MED27: variants seen among roughly 807,000 people sequenced by gnomAD.
The protein encoded by MED27 is mediator of RNA polymerase II transcription subunit 27.
A neutral mutation model predicts 38.2 loss-of-function variants in MED27; 30 were observed. That is an observed-to-expected ratio of 0.79 (90% CI 0.59 to 1.07). The LOEUF is 1.07. Among genes scored for constraint, MED27 ranks in the 50% least tolerant of loss-of-function variants. The probability of loss-of-function intolerance (pLI) is 0.00; values close to 1 mark genes in which losing one functional copy is unlikely to be tolerated. For missense variants in MED27, 289 were observed against 397.5 expected, an observed-to-expected ratio of 0.73 and a Z score of 2.32; for synonymous variants, 122 against 153.5, an observed-to-expected ratio of 0.79 and a Z score of 1.52.
chr9:132,025,428 C>A (rs547311161), intron 2 of MED27, among the ~76,000 whole-genome samples: 1 of 152,190 alleles, frequency 6.6e-6, no homozygotes, highest in Non-Finnish European at 1.5e-5. Context: ...GTGATCTGCC[C>A]GCCTCGACCT....
rs763846801 is a variant in MED27, at chr9:131,982,996, T to C, written c.479+31341A>G. Among the ~76,000 whole-genome samples the C allele has an allele frequency of 6.6e-6, 1 of 152,164 alleles. No individual in the cohort carries two copies. The highest frequency in any genetic ancestry group is 1.5e-5 in the Non-Finnish European group (1 of 68,018). ...AAATGTAGATTCGCATTCAGGAGGATCTGTGACTGAGTTTCAGCAAGTTCC... is the reference window on the plus strand; with the variant it reads ...AAATGTAGATTCGCATTCAGGAGGACCTGTGACTGAGTTTCAGCAAGTTCC... On this transcript the variant is annotated intron_variant, in intron 3 of 7. Coordinates refer to ENST00000292035, the MANE Select transcript of MED27 (RefSeq NM_004269.4). This position sits in a 1 kb window ranked among gnomAD's most constrained non-coding sequence, Gnocchi z 4.3.
intron 5 of MED27, 148 bp from the exon 6 acceptor site, chr9:131,884,247 T>A: frequency 1.8e-6 from 1 of 545,800 alleles, no homozygotes; most frequent in Non-Finnish European, 3.0e-6. Flanking sequence ...AAAAGGATCT[T>A]AAATGTCTGA....
At chr9:131,885,554 G>T (rs1839124988) in intron 5 of MED27, among the ~76,000 whole-genome samples, 1 of 152,148 alleles carries the variant, frequency 6.6e-6, no homozygotes, top group African/African-American at 2.4e-5. Flanking sequence ...GAAGCTGGAG[G>T]AGGTGTGAGT....
At chr9:132,073,388 A>G in intron 2 of MED27, 1 of 1,047,336 alleles carries the variant, frequency 9.5e-7, no homozygotes, top group East Asian at 7.0e-5. Flanking sequence ...TCTCTCAGTG[A>G]ATCTTCACTG....
chr9:131,963,125 C>T lies in MED27; in HGVS notation c.480-23651G>A, dbSNP rs553780520. On this transcript the variant is annotated intron_variant, in intron 3 of 7. Transcript: ENST00000292035. ...AATGTTCAGCTAAACTATTTCCAAG[C>T]CATACATCATTTTCTGTTTGGGTCC... is the stretch of plus-strand genomic sequence containing the variant. Among the ~76,000 whole-genome samples the T allele has an allele frequency of 7.4e-3, 1,127 of 152,216 alleles. 11 individuals carry two copies. The highest frequency in any genetic ancestry group is 0.013 in the Non-Finnish European group (858 of 68,020).
In MED27 at chr9:131,883,654, GT is replaced by G. The variant is rs775017047; in HGVS notation, c.723+403del. Among the ~76,000 whole-genome samples, 6 of 152,172 alleles carry G rather than the reference GT, an allele frequency of 3.9e-5. No homozygotes were observed. Among genetic ancestry groups the G allele is most frequent in the Admixed American group, 1.3e-4 (2 of 15,278 alleles). On this transcript the variant is annotated intron_variant, in intron 6 of 7. Coordinates refer to ENST00000292035, the MANE Select transcript of MED27 (RefSeq NM_004269.4). The surrounding 1 kb of genome is among the most constrained non-coding windows in gnomAD (Gnocchi z 4.2). Reference sequence around the variant, plus strand: ...TTTAAAACTAGGTTTTCAGAATACAGTTTTTGGAACATCTCAAAAACCTATG... The same window carrying G: ...TTTAAAACTAGGTTTTCAGAATACAGTTTTGGAACATCTCAAAAACCTATG...
chr9:131,958,415 T>G (rs1831149210), intron 3 of MED27, among the ~76,000 whole-genome samples: 1 of 152,090 alleles, frequency 6.6e-6, no homozygotes, highest in African/African-American at 2.4e-5. Context: ...CTGGCTAATT[T>G]TTTTGTATTT....
intron 3 of MED27, among the ~76,000 whole-genome samples, chr9:131,994,623 A>G (rs921389228): frequency 6.6e-6 from 1 of 152,250 alleles, no homozygotes; most frequent in African/African-American, 2.4e-5. Context: ...CTAGAGCAGA[A>G]CAATATGGCC....
chr9:131,933,909 T>C (rs749762877), intron 4 of MED27, among the ~76,000 whole-genome samples: 13 of 152,126 alleles, frequency 8.5e-5, no homozygotes, highest in Non-Finnish European at 1.5e-4. Context: ...CAAAATAGCG[T>C]GGTACTGGCA....
intron 4 of MED27, among the ~76,000 whole-genome samples, chr9:131,905,072 G>GA (rs1295056135): frequency 1.3e-5 from 2 of 152,198 alleles, no homozygotes; most frequent in Non-Finnish European, 2.9e-5. Flanking sequence ...GCAGTCTTGG[G>GA]AAAAATCCCC....
At chr9:131,920,000 G>T (rs1312434629) in intron 4 of MED27, among the ~76,000 whole-genome samples, 1 of 151,846 alleles carries the variant, frequency 6.6e-6, no homozygotes, top group Non-Finnish European at 1.5e-5. Context: ...TTGTAGAGAT[G>T]GGGTTTTTCC....
chr9:131,902,592 C>T (rs546836272), intron 4 of MED27, among the ~76,000 whole-genome samples: 109 of 152,208 alleles, frequency 7.2e-4, no homozygotes, highest in African/African-American at 2.6e-3. Flanking sequence ...AAGCTAAAAC[C>T]GATGTTCTTC....
chr9:131,904,053 C>A (rs1290933811), intron 4 of MED27, among the ~76,000 whole-genome samples: 1 of 152,084 alleles, frequency 6.6e-6, no homozygotes, highest in Non-Finnish European at 1.5e-5. Context: ...CATGCAACCA[C>A]CATGCCTGGC....
chr9:131,907,364 C>T (rs1002659977), intron 4 of MED27, among the ~76,000 whole-genome samples: 5 of 152,176 alleles, frequency 3.3e-5, no homozygotes, highest in East Asian at 1.9e-4. Context: ...ACTGCAGGCA[C>T]GCGCCGCCAC....
At chr9:131,898,599 T>C (rs1047014631) in intron 4 of MED27, among the ~76,000 whole-genome samples, 1 of 152,012 alleles carries the variant, frequency 6.6e-6, no homozygotes, top group African/African-American at 2.4e-5. Context: ...TATGCATTTT[T>C]TTTTTTTTGA....
rs1279627373 is a variant in MED27, at chr9:132,077,496, C to T, written c.294G>A (p.Gln98=). 1 of 1,614,012 alleles carries T rather than the reference C, an allele frequency of 6.2e-7. No individual in the cohort carries two copies. The highest frequency in any genetic ancestry group is 8.5e-7 in the Non-Finnish European group (1 of 1,180,016). ...NSGLLSLDPV[Q]DKTPLYSQLL... is the part of the protein sequence containing the mutation. ...GTTGACTATAGAGAGGAGTTTTGTC[C>T]TGCACAGGATCCAGGCTTAACAGCC... The change falls in exon 2 of 8, where the codon CAG becomes CAA. Residue 98 remains glutamine (Q), a synonymous_variant. Coordinates refer to ENST00000292035, the MANE Select transcript of MED27 (RefSeq NM_004269.4).
Position 131,927,900 on chromosome 9 carries a change from G to A in MED27, c.573+11481C>T, listed in dbSNP as rs149475882. ...GCCAGGGTTGCTCCAGGCACGTCAG[G>A]AGCTTCTTGGCAGGGACTGCTTGGT... On this transcript the variant is annotated intron_variant, in intron 4 of 7. Coordinates refer to ENST00000292035, the MANE Select transcript of MED27 (RefSeq NM_004269.4). Among the ~76,000 whole-genome samples the A allele has an allele frequency of 2.0e-5, 3 of 152,286 alleles. No homozygotes were observed. The East Asian group carries it at 5.8e-4, about 29-fold the overall frequency.
chr9:131,939,371 C>T lies in MED27; in HGVS notation c.573+10G>A. 1.3e-6 allele frequency: 2 copies of T among 1,589,414 alleles called. No homozygotes were observed. Among genetic ancestry groups the T allele is most frequent in the Non-Finnish European group, 1.7e-6 (2 of 1,167,370 alleles). On this transcript the variant is annotated intron_variant, in intron 4 of 7. Coordinates refer to ENST00000292035, the MANE Select transcript of MED27 (RefSeq NM_004269.4). ...CCAACATCCCTACAAATCAGTCAAG[C>T]TGATCTTACCAGAAGCATTGCTGAT...
intron 3 of MED27, among the ~76,000 whole-genome samples, chr9:131,945,088 TA>T (rs1390287140): frequency 6.8e-6 from 1 of 146,928 alleles, no homozygotes; most frequent in Non-Finnish European, 1.5e-5. Flanking sequence ...TATATATAAA[TA>T]ATTTTATATA....
Sources: gnomAD v4.1 joint callset for allele counts (sites outside exome capture counted in the v4.1 genomes callset) on GRCh38, gnomAD v4.1.1 for gene constraint, Gnocchi (gnomAD v3.1) non-coding constraint, MANE v1.5 for transcripts, NCBI Gene and HGNC (gene_info 2026-07-23, HGNC 2026-07-21) for gene names.